CEACAM19: variants seen among roughly 807,000 people sequenced by gnomAD.
The protein encoded by CEACAM19 is CEA cell adhesion molecule 19.
In CEACAM19, 37 loss-of-function variants were observed where a neutral mutation model predicts 37.6. That is an observed-to-expected ratio of 0.98 (90% CI 0.76 to 1.29). The LOEUF (loss-of-function observed/expected upper bound fraction) is 1.29. Ranked by LOEUF, CEACAM19 falls within the 50% of genes most tolerant of loss-of-function variation. The probability of loss-of-function intolerance (pLI) is 0.00; values close to 1 mark genes in which losing one functional copy is unlikely to be tolerated. For missense variants in CEACAM19, 340 were observed against 375.6 expected, an observed-to-expected ratio of 0.91 and a Z score of 0.78; for synonymous variants, 140 against 149.8, an observed-to-expected ratio of 0.93 and a Z score of 0.48.
chr19:44,668,512 AGT>A (rs1568512924), upstream of CEACAM19, among the ~76,000 whole-genome samples: 6 of 35,608 alleles, frequency 1.7e-4, 1 homozygote, highest in East Asian at 2.1e-3. Context: ...ATTATATATT[AGT>A]TATAATATAA....
chr19:44,678,778 G>T, intron 3 of CEACAM19, 75 bp from the exon 4 acceptor site: 2 of 1,551,632 alleles, frequency 1.3e-6, no homozygotes, highest in Non-Finnish European at 8.8e-7. Flanking sequence ...TTCCTTCATA[G>T]GGAAGGATGT....
intron 3 of CEACAM19, chr19:44,678,599 C>T (rs1249942722): frequency 2.9e-5 from 9 of 308,828 alleles, no homozygotes; most frequent in East Asian, 1.2e-4. Flanking sequence ...TTAGTAGAGA[C>T]GGGGTTTCAC....
Position 44,683,487 on chromosome 19 carries a change from C to G in CEACAM19, c.897C>G (p.Ser299=), listed in dbSNP as rs1005468335. ...PAPYCQLVPT[S] is the part of the protein sequence containing the mutation. ...CCTACTGCCAGCTGGTGCCAACTTCCTGATGGGTCCTGGGCCAGGCCAGCC... is the reference window on the plus strand; with the variant it reads ...CCTACTGCCAGCTGGTGCCAACTTCGTGATGGGTCCTGGGCCAGGCCAGCC... Residue 299 remains serine, a synonymous_variant, in exon 8 of 8, where the codon TCC becomes TCG. Coordinates refer to ENST00000358777, the MANE Select transcript of CEACAM19 (RefSeq NM_001127893.3). 2 of 1,559,686 alleles carry G rather than the reference C, an allele frequency of 1.3e-6. No homozygotes were observed. The highest frequency in any genetic ancestry group is 2.7e-5 in the African/African-American group (2 of 73,440).
At position 44,681,280 on chromosome 19, in the gene CEACAM19, AT is replaced by A; in HGVS notation, c.761del (p.Ile254ThrfsTer7). 1 of 1,613,940 alleles carries A rather than the reference AT, an allele frequency of 6.2e-7. No individual in the cohort carries two copies. The highest frequency in any genetic ancestry group is 8.5e-7 in the Non-Finnish European group (1 of 1,179,950). On this transcript the variant is annotated frameshift_variant, in exon 6 of 8. Transcript: ENST00000358777. LOFTEE classifies it high-confidence loss of function. ...CTCTCCAGTCCTCCTGGTGTCCCCC[AT>A]CAGTGACACAAGGTCCATAAACCCA... ...MPSPVLLVSP[I>X]SDTRSINPAR... is the part of the protein sequence containing the mutation.
chr19:44,682,802 C>T (rs1447927359), intron 7 of CEACAM19, 182 bp downstream of exon 7: 1 of 565,348 alleles, frequency 1.8e-6, no homozygotes, highest in Admixed American at 3.5e-5. Context: ...CTGGCAAGTC[C>T]CTTTTCCTCC....
chr19:44,667,610 TA>T (rs1973737961), upstream of CEACAM19, among the ~76,000 whole-genome samples: 1 of 101,832 alleles, frequency 9.8e-6, no homozygotes, highest in African/African-American at 3.9e-5. Flanking sequence ...TATAAATATA[TA>T]TTATATATTT....
chr19:44,670,662 A>G (rs1002918399), upstream of CEACAM19, among the ~76,000 whole-genome samples: 3 of 151,596 alleles, frequency 2.0e-5, no homozygotes, highest in African/African-American at 7.3e-5. Flanking sequence ...GTGACACAGC[A>G]TCTAAAAAAG....
chr19:44,670,097 G>A (rs1224135544), upstream of CEACAM19, among the ~76,000 whole-genome samples: 1 of 152,036 alleles, frequency 6.6e-6, no homozygotes, highest in African/African-American at 2.4e-5. Context: ...TAAGGTGGGA[G>A]GATCACTTGA....
chr19:44,675,114 G>T (rs1973924710), intron 2 of CEACAM19, among the ~76,000 whole-genome samples: 1 of 151,074 alleles, frequency 6.6e-6, no homozygotes, highest in Non-Finnish European at 1.5e-5. Context: ...GTGTGTGTGT[G>T]TGTGTGTGTG....
intron 7 of CEACAM19, chr19:44,682,942 C>T: frequency 2.9e-6 from 1 of 343,466 alleles, no homozygotes; most frequent in Non-Finnish European, 5.3e-6. Context: ...TGAAACCCCA[C>T]CGCAGAGCTC....
At chr19:44,667,874 T>C (rs1201768803), upstream of CEACAM19, among the ~76,000 whole-genome samples, 6 of 73,746 alleles carry the variant, frequency 8.1e-5, no homozygotes, top group Non-Finnish European at 1.3e-4. Context: ...ATATATAATA[T>C]ATAAATATAT....
chr19:44,668,486 T>C (rs1315156581), upstream of CEACAM19, among the ~76,000 whole-genome samples: 53 of 59,420 alleles, frequency 8.9e-4, no homozygotes, highest in African/African-American at 4.4e-3. Context: ...ATATATATAT[T>C]ATATATATTA....
At chr19:44,674,886 C>T (rs1254488131) in intron 2 of CEACAM19, among the ~76,000 whole-genome samples, 1 of 152,148 alleles carries the variant, frequency 6.6e-6, no homozygotes, top group Non-Finnish European at 1.5e-5. Flanking sequence ...GAAGTGACTT[C>T]TCCCCACATT....
intron 2 of CEACAM19, among the ~76,000 whole-genome samples, chr19:44,674,195 A>G (rs1395892587): frequency 1.3e-5 from 2 of 151,674 alleles, no homozygotes; most frequent in Non-Finnish European, 2.9e-5. Flanking sequence ...AACCGAGATC[A>G]TGCCACTGCA....
At position 44,681,214 on chromosome 19, in the gene CEACAM19, G is replaced by C; in HGVS notation, c.707-13G>C. The C allele has an allele frequency of 6.2e-7, 1 of 1,608,494 alleles. No homozygotes were observed. Among genetic ancestry groups the C allele is most frequent in the Non-Finnish European group, 8.5e-7 (1 of 1,175,248 alleles). On this transcript the variant is annotated splice_polypyrimidine_tract_variant and intron_variant, in intron 5 of 7. Coordinates refer to ENST00000358777, the MANE Select transcript of CEACAM19 (RefSeq NM_001127893.3). ...CATGTGTCAGCTGGTACCTCCCCTG[G>C]CCTCTGTTTCAGGTGACAACAACAT...
At chr19:44,680,620 C>G (rs1178330027) in intron 5 of CEACAM19, among the ~76,000 whole-genome samples, 7 of 152,074 alleles carry the variant, frequency 4.6e-5, no homozygotes, top group Admixed American at 1.3e-4. Flanking sequence ...ACCCCCCACA[C>G]CCAGCTCCTC....
intron 2 of CEACAM19, among the ~76,000 whole-genome samples, chr19:44,674,255 G>A (rs1457714429): frequency 6.6e-6 from 1 of 151,582 alleles, no homozygotes; most frequent in East Asian, 1.9e-4. Flanking sequence ...AAAAAAAAGT[G>A]GGGCTTGTGG....
At chr19:44,682,439 G>A (rs902868174) in intron 6 of CEACAM19, 128 bp from the exon 7 acceptor site, 1 of 911,322 alleles carries the variant, frequency 1.1e-6, no homozygotes, top group Non-Finnish European at 1.7e-6. Context: ...AATCCCCTCT[G>A]CCCAGGGGCC....
At chr19:44,679,605 C>T (rs572699660) in intron 4 of CEACAM19, among the ~76,000 whole-genome samples, 88 of 152,124 alleles carry the variant, frequency 5.8e-4, no homozygotes, top group Non-Finnish European at 1.1e-3. Context: ...AAAAATTAGC[C>T]GGGCATGGTG....
Sources: gnomAD v4.1 joint callset for allele counts (sites outside exome capture counted in the v4.1 genomes callset) on GRCh38, gnomAD v4.1.1 for gene constraint, MANE v1.5 for transcripts, NCBI Gene and HGNC (gene_info 2026-07-23, HGNC 2026-07-21) for gene names.